The following SHC3 variants were observed in gnomAD, a reference collection of about 807,000 sequenced individuals.
The protein encoded by SHC3 is SHC adaptor protein 3, also known as SHC-transforming protein 3.
Under a neutral mutation model 60.4 loss-of-function variants are expected in SHC3, and 15 were observed. The ratio of observed to expected loss-of-function variants is 0.25; its 90% confidence interval spans 0.17 to 0.38. The LOEUF (loss-of-function observed/expected upper bound fraction) is 0.38, where lower values mean the gene tolerates loss of function less well. SHC3 is among the 10% of genes least tolerant of loss of function. The probability of loss-of-function intolerance (pLI) is 1.00; values close to 1 mark genes in which losing one functional copy is unlikely to be tolerated. For missense variants in SHC3, 677 were observed against 786.1 expected, an observed-to-expected ratio of 0.86 and a Z score of 1.66; for synonymous variants, 294 against 325.9, an observed-to-expected ratio of 0.90 and a Z score of 1.05.
Position 89,052,117 on chromosome 9 carries a change from G to A in SHC3, c.882C>T (p.Ile294=), listed in dbSNP as rs139203229. Residue 294 remains isoleucine, a synonymous_variant, in exon 7 of 12, where the codon ATC becomes ATT. Transcript: ENST00000375835. ...GCTCAAAGGCTTGTCCGATGGAGCCGATGACATCCTGGGCCAGCCCATCAC... is the reference window on the plus strand; with the variant it reads ...GCTCAAAGGCTTGTCCGATGGAGCCAATGACATCCTGGGCCAGCCCATCAC... The part of the protein sequence containing the change: ...ECCDGLAQDV[I]GSIGQAFELR... 1.1e-5 allele frequency: 18 copies of A among 1,613,932 alleles called. No individual in the cohort carries two copies. The highest frequency in any genetic ancestry group is 8.0e-5 in the African/African-American group (6 of 74,928).
Position 89,078,289 on chromosome 9 carries a change from A to C in SHC3, c.546-386T>G, listed in dbSNP as rs936153309. Among the ~76,000 whole-genome samples the C allele has an allele frequency of 1.0e-3, 152 of 152,242 alleles. 1 individual carries two copies. The highest frequency in any genetic ancestry group is 3.4e-3 in the African/African-American group (143 of 41,528). ...TCTCCATGGCTTTGGTCAGGACATC[A>C]GGCCCAAACCTAATCAACCACCTTG... is the stretch of plus-strand genomic sequence containing the variant. On this transcript the variant is annotated intron_variant, in intron 2 of 11. Coordinates refer to ENST00000375835, the MANE Select transcript of SHC3 (RefSeq NM_016848.6).
intron 1 of SHC3, among the ~76,000 whole-genome samples, chr9:89,117,282 A>G (rs1178911191): frequency 6.6e-6 from 1 of 152,210 alleles, no homozygotes; most frequent in African/African-American, 2.4e-5. Flanking sequence ...GGCATAAGCA[A>G]GCATAGTGGT....
At chr9:89,080,755 A>ATATATGTATATATATATATATATATATG (rs1825432234) in intron 2 of SHC3, among the ~76,000 whole-genome samples, 14 of 145,394 alleles carry the variant, frequency 9.6e-5, no homozygotes, top group African/African-American at 3.0e-4. Flanking sequence ...ATATATATAT[A>ATATATGTATATATATATATATATATATG]TATGTATGTA....
At chr9:89,149,118 A>G (rs143501346) in intron 1 of SHC3, among the ~76,000 whole-genome samples, 1 of 152,334 alleles carries the variant, frequency 6.6e-6, no homozygotes, top group East Asian at 1.9e-4. Flanking sequence ...CTGTGTGCAT[A>G]ATCAAAGCAA....
chr9:89,096,768 C>T (rs528516836), intron 2 of SHC3, among the ~76,000 whole-genome samples: 3 of 152,294 alleles, frequency 2.0e-5, no homozygotes, highest in Middle Eastern at 3.4e-3. Context: ...GTGCTACTGG[C>T]ATCTAGAGAG....
chr9:89,079,666 G>A (rs79400594), intron 2 of SHC3, among the ~76,000 whole-genome samples: 12,952 of 152,244 alleles, frequency 0.085, 653 homozygotes, highest in Admixed American at 0.13. Context: ...GGGAAGGGAG[G>A]TAGAAACTAT....
chr9:89,115,604 T>G (rs963701607), intron 1 of SHC3, among the ~76,000 whole-genome samples: 1 of 152,146 alleles, frequency 6.6e-6, no homozygotes, highest in Non-Finnish European at 1.5e-5. Context: ...GTTAACACCA[T>G]GATGAATCTC....
chr9:89,110,062 C>T (rs1034023957), intron 2 of SHC3: 4 of 985,294 alleles, frequency 4.1e-6, no homozygotes, highest in Admixed American at 1.2e-4. Flanking sequence ...CCAGCCAATA[C>T]ACTGAAAAAG....
chr9:89,050,817 T>C (rs1226218416), intron 7 of SHC3, among the ~76,000 whole-genome samples: 2 of 152,176 alleles, frequency 1.3e-5, no homozygotes. Context: ...CTCAGTCTCC[T>C]ACCTACATTT....
At chr9:89,048,870 G>A (rs1824816323) in intron 7 of SHC3, among the ~76,000 whole-genome samples, 1 of 152,054 alleles carries the variant, frequency 6.6e-6, no homozygotes, top group Non-Finnish European at 1.5e-5. Context: ...AGTACCCTGC[G>A]GGACACCAGG....
intron 7 of SHC3, among the ~76,000 whole-genome samples, chr9:89,050,992 T>C (rs930073401): frequency 1.3e-5 from 2 of 151,998 alleles, no homozygotes; most frequent in African/African-American, 4.8e-5. Context: ...AATGTGGAAA[T>C]GGTGGGTCCT....
rs775582134 is a variant in SHC3, at chr9:89,092,729, AAAG to A, written c.546-14829_546-14827del. The stretch of plus-strand genomic sequence containing the variant: ...TGGTATGATTCCCATTTCTAACACA[AAAG>A]AAGGAAGGTGTGTGTGTGTGTGTGT... On this transcript the variant is annotated intron_variant, in intron 2 of 11. Coordinates refer to ENST00000375835, the MANE Select transcript of SHC3 (RefSeq NM_016848.6). Among the ~76,000 whole-genome samples, 25 of 151,054 alleles carry A rather than the reference AAAG, an allele frequency of 1.7e-4. No homozygotes were observed. The Middle Eastern group carries it at 0.01, about 63-fold the overall frequency.
chr9:89,094,946 C>A (rs73498167), intron 2 of SHC3, among the ~76,000 whole-genome samples: 3,682 of 150,496 alleles, frequency 0.024, 147 homozygotes, highest in African/African-American at 0.083. Flanking sequence ...ACAAAAAAAA[C>A]CAACCAAACA....
intron 1 of SHC3, among the ~76,000 whole-genome samples, chr9:89,157,885 G>A (rs1826648591): frequency 1.3e-5 from 2 of 152,000 alleles, no homozygotes; most frequent in Non-Finnish European, 2.9e-5. Context: ...GCCTACCAAA[G>A]TGCATAGGAT....
chr9:89,137,191 T>C lies in SHC3; in HGVS notation c.475-24565A>G, dbSNP rs561429715. On this transcript the variant is annotated intron_variant, in intron 1 of 11. Coordinates refer to ENST00000375835, the MANE Select transcript of SHC3 (RefSeq NM_016848.6). Reference sequence around the variant, plus strand: ...GATTACAATTCAACATGAAATTTAGTGGGGGGACACAAAGCTAAACCATGT... The same window carrying C: ...GATTACAATTCAACATGAAATTTAGCGGGGGGACACAAAGCTAAACCATGT... 4.6e-5 allele frequency among the ~76,000 whole-genome samples: 7 copies of C among 152,210 alleles called. No individual in the cohort carries two copies. In the South Asian group the frequency reaches 1.5e-3, roughly 32 times the overall value.
chr9:89,142,404 T>C (rs1826405915), intron 1 of SHC3, among the ~76,000 whole-genome samples: 1 of 151,478 alleles, frequency 6.6e-6, no homozygotes, highest in South Asian at 2.1e-4. Context: ...CTATTAAAGA[T>C]ACAAAAATTA....
chr9:89,074,783 C>T (rs1054102823), intron 4 of SHC3, among the ~76,000 whole-genome samples: 14 of 145,616 alleles, frequency 9.6e-5, no homozygotes, highest in Admixed American at 4.1e-4. Context: ...CCTGTAAAAC[C>T]AATTAAATAT....
At chr9:89,086,400 A>G (rs1355414539) in intron 2 of SHC3, among the ~76,000 whole-genome samples, 1 of 152,240 alleles carries the variant, frequency 6.6e-6, no homozygotes, top group Non-Finnish European at 1.5e-5. Flanking sequence ...AACTCAGGGA[A>G]ACACATTTAC....
intron 1 of SHC3, among the ~76,000 whole-genome samples, chr9:89,121,308 G>A (rs1176048515): frequency 6.7e-6 from 1 of 148,424 alleles, no homozygotes; most frequent in African/African-American, 2.5e-5. Flanking sequence ...TTTTTTTCTT[G>A]AGATGGAGTT....
Sources: gnomAD v4.1 joint callset for allele counts (sites outside exome capture counted in the v4.1 genomes callset) on GRCh38, gnomAD v4.1.1 for gene constraint, MANE v1.5 for transcripts, NCBI Gene and HGNC (gene_info 2026-07-23, HGNC 2026-07-21) for gene names.